The following GRIA1 variants were observed in gnomAD, a reference collection of about 807,000 sequenced individuals.
The protein encoded by GRIA1 is glutamate receptor 1.
A neutral mutation model predicts 99.2 loss-of-function variants in GRIA1; 31 were observed. That is an observed-to-expected ratio of 0.31 (90% CI 0.23 to 0.42). GRIA1 has a LOEUF of 0.42. Among genes scored for constraint, GRIA1 ranks in the 10% least tolerant of loss-of-function variants. The pLI is 1.00. For synonymous variants in GRIA1, 438 were observed against 432.4 expected (o/e 1.01, Z -0.16); for missense variants, 782 against 1,157.5 (o/e 0.68, Z 4.71).
intron 8 of GRIA1, among the ~76,000 whole-genome samples, chr5:153,697,291 C>A (rs564472908): frequency 6.6e-6 from 1 of 152,214 alleles, no homozygotes; most frequent in Non-Finnish European, 1.5e-5. Flanking sequence ...TCAGAGCAAG[C>A]CCTATCTCTC....
chr5:153,809,397 G>A (rs1260384339), intron 15 of GRIA1, among the ~76,000 whole-genome samples: 1 of 152,190 alleles, frequency 6.6e-6, no homozygotes, highest in African/African-American at 2.4e-5. Context: ...ACCAGTGTGG[G>A]TGGTGCATCA....
chr5:153,646,812 A>G (rs1407387434), intron 2 of GRIA1, 116 bp from the exon 3 acceptor site: 2 of 1,098,062 alleles, frequency 1.8e-6, no homozygotes, highest in Non-Finnish European at 1.3e-6. Context: ...TGGATAGATG[A>G]CAGTTGGGTG....
At chr5:153,632,816 T>A (rs1753075369) in intron 2 of GRIA1, among the ~76,000 whole-genome samples, 3 of 152,114 alleles carry the variant, frequency 2.0e-5, no homozygotes, top group African/African-American at 7.2e-5. Context: ...AAGACAGATA[T>A]GAAAATGTGA....
chr5:153,623,583 A>C (rs1462635229), intron 2 of GRIA1, among the ~76,000 whole-genome samples: 2 of 152,260 alleles, frequency 1.3e-5, no homozygotes. Context: ...CTAAACTTCA[A>C]AATTTGTAAG....
At chr5:153,753,346 G>A (rs557733395) in intron 11 of GRIA1, among the ~76,000 whole-genome samples, 1 of 152,216 alleles carries the variant, frequency 6.6e-6, no homozygotes. Context: ...GCTGACCAAA[G>A]GTTCCGCTGG....
intron 7 of GRIA1, among the ~76,000 whole-genome samples, chr5:153,677,527 C>T (rs996610217): frequency 2.0e-5 from 3 of 152,168 alleles, no homozygotes; most frequent in Admixed American, 2.0e-4. Flanking sequence ...TGGATTTCTT[C>T]CTTTGCTCTC....
At chr5:153,644,303 T>C (rs1753979510) in intron 2 of GRIA1, among the ~76,000 whole-genome samples, 1 of 152,186 alleles carries the variant, frequency 6.6e-6, no homozygotes, top group Non-Finnish European at 1.5e-5. Context: ...AGATAGAGTG[T>C]ACTCATTAGG....
At chr5:153,606,604 T>A (rs989971906) in intron 2 of GRIA1, among the ~76,000 whole-genome samples, 1 of 152,076 alleles carries the variant, frequency 6.6e-6, no homozygotes, top group African/African-American at 2.4e-5. Flanking sequence ...AGTACAGATC[T>A]TTTGTTAGAT....
intron 2 of GRIA1, among the ~76,000 whole-genome samples, chr5:153,642,336 C>G (rs1753830272): frequency 6.6e-6 from 1 of 152,202 alleles, no homozygotes; most frequent in Non-Finnish European, 1.5e-5. Flanking sequence ...TGAAACCCAC[C>G]TCAGGGAATG....
At chr5:153,780,186 G>T (rs923942198) in intron 13 of GRIA1, among the ~76,000 whole-genome samples, 1 of 152,006 alleles carries the variant, frequency 6.6e-6, no homozygotes, top group Non-Finnish European at 1.5e-5. Context: ...GGTCTTTTGC[G>T]TTTTCTAGGA....
chr5:153,601,311 T>G (rs1360111118), intron 2 of GRIA1, among the ~76,000 whole-genome samples: 2 of 152,250 alleles, frequency 1.3e-5, no homozygotes, highest in African/African-American at 4.8e-5. Context: ...TCTGTCTGAT[T>G]CTGTGATCCA....
At chr5:153,683,134 G>C (rs1757104723) in intron 7 of GRIA1, among the ~76,000 whole-genome samples, 1 of 152,190 alleles carries the variant, frequency 6.6e-6, no homozygotes, top group Non-Finnish European at 1.5e-5. Context: ...AGATCCCAGA[G>C]CTCAGACCTG....
chr5:153,697,287 C>T (rs1758183169), intron 8 of GRIA1, among the ~76,000 whole-genome samples: 1 of 152,222 alleles, frequency 6.6e-6, no homozygotes, highest in South Asian at 2.1e-4. Context: ...GTTCTCAGAG[C>T]AAGCCCTATC....
intron 2 of GRIA1, among the ~76,000 whole-genome samples, chr5:153,502,207 G>A (rs148349226): frequency 6.6e-6 from 1 of 152,294 alleles, no homozygotes; most frequent in Non-Finnish European, 1.5e-5. Context: ...TTGAACACGT[G>A]TCTTACCTGC....
intron 2 of GRIA1, among the ~76,000 whole-genome samples, chr5:153,629,307 T>G (rs1278240163): frequency 6.6e-6 from 1 of 152,210 alleles, no homozygotes; most frequent in African/African-American, 2.4e-5. Flanking sequence ...CACAGCACCC[T>G]CTGCTGACTC....
chr5:153,797,268 G>C (rs767673988), intron 14 of GRIA1, among the ~76,000 whole-genome samples: 9 of 152,160 alleles, frequency 5.9e-5, no homozygotes, highest in Non-Finnish European at 1.3e-4. Context: ...AATCTTCTGG[G>C]AGTTATGTGT....
chr5:153,651,421 C>T (rs1030358429), intron 4 of GRIA1, among the ~76,000 whole-genome samples: 2 of 139,938 alleles, frequency 1.4e-5, no homozygotes, highest in African/African-American at 5.3e-5. Context: ...AACAAAAGCA[C>T]ATGCCCACCA....
At chr5:153,708,128 A>G (rs1759049043) in intron 11 of GRIA1, among the ~76,000 whole-genome samples, 1 of 152,104 alleles carries the variant, frequency 6.6e-6, no homozygotes, top group African/African-American at 2.4e-5. Flanking sequence ...CTTTCTCCCC[A>G]CTATTCCTCC....
rs60901793 is a variant in GRIA1 at position 153,578,148 on chromosome 5, CAAAAAAAAAAAAAA to C, written c.221-68768_221-68755del. 1.0e-4 allele frequency among the ~76,000 whole-genome samples: 7 copies of C among 69,316 alleles called. 1 individual carries two copies. Among genetic ancestry groups the C allele is most frequent in the Admixed American group, 3.9e-4 (2 of 5,094 alleles). The allele number at this position is 69,316 out of a possible 152,430, so 45.5% of individuals were successfully genotyped here. A position where few individuals can be genotyped will look rare whatever the true frequency, so the allele number is the denominator to read the frequency against. ...CCTGAGCAGCAGAGAGAGACTCTGT[CAAAAAAAAAAAAAA>C]AAAAAAAAAAAGAAAGAAAGAAGAA... On this transcript the variant is annotated intron_variant, in intron 2 of 15. Transcript: ENST00000285900.
Sources: allele counts gnomAD v4.1 joint callset (sites outside exome capture counted in the v4.1 genomes callset), GRCh38; gene constraint gnomAD v4.1.1; transcripts MANE v1.5; gene names NCBI Gene and HGNC (gene_info 2026-07-23, HGNC 2026-07-21).